WWOX: variants seen among roughly 807,000 people sequenced by gnomAD.
WWOX encodes WW domain-containing oxidoreductase.
Under a neutral mutation model 46.2 loss-of-function variants are expected in WWOX, and 69 were observed. That is an observed-to-expected ratio of 1.49 (90% CI 1.23 to 1.82). The LOEUF is 1.82. Ranked by LOEUF, WWOX falls within the 40% of genes most tolerant of loss-of-function variation. WWOX has a pLI of 0.00. For missense variants in WWOX, 919 were observed against 542.6 expected, an observed-to-expected ratio of 1.69 and a Z score of -6.89; for synonymous variants, 359 against 202.6, an observed-to-expected ratio of 1.77 and a Z score of -6.56.
chr16:78,965,801 T>C lies in WWOX; in HGVS notation c.1057-245807T>C, dbSNP rs554357664. The stretch of plus-strand genomic sequence containing the variant: ...TCCTTCACTCAGTGATGTTATAATA[T>C]CTAGAGGCTTATTGATTATTTGTTT... On this transcript the variant is annotated intron_variant, in intron 8 of 8. Coordinates refer to ENST00000566780, the MANE Select transcript of WWOX (RefSeq NM_016373.4). Among the ~76,000 whole-genome samples the C allele has an allele frequency of 8.5e-5, 13 of 152,274 alleles. 1 individual carries two copies. In the South Asian group the frequency reaches 1.9e-3, roughly 22 times the overall value.
chr16:79,208,252 C>A (rs530868795), intron 8 of WWOX, among the ~76,000 whole-genome samples: 1 of 152,112 alleles, frequency 6.6e-6, no homozygotes, highest in Non-Finnish European at 1.5e-5. Context: ...TCTGGGCTTC[C>A]CAGAAATTCT....
chr16:78,310,700 G>T (rs1309255110), intron 5 of WWOX, among the ~76,000 whole-genome samples: 1 of 152,236 alleles, frequency 6.6e-6, no homozygotes, highest in African/African-American at 2.4e-5. Flanking sequence ...TTGCTCTAGA[G>T]ATTTGGCTTC....
chr16:78,140,487 C>T (rs1037548833), intron 4 of WWOX, among the ~76,000 whole-genome samples: 11 of 152,220 alleles, frequency 7.2e-5, no homozygotes, highest in African/African-American at 2.6e-4. Context: ...GTTGGTAGGG[C>T]CATACTCCCT....
intron 1 of WWOX, among the ~76,000 whole-genome samples, chr16:78,105,186 G>A (rs1181516355): frequency 2.0e-5 from 3 of 152,216 alleles, no homozygotes; most frequent in Admixed American, 1.3e-4. Context: ...TGCAGGCCGG[G>A]TGCAGTGGTT....
At chr16:78,873,770 C>G (rs1378096707) in intron 8 of WWOX, among the ~76,000 whole-genome samples, 1 of 152,090 alleles carries the variant, frequency 6.6e-6, no homozygotes, top group African/African-American at 2.4e-5. Flanking sequence ...GCCTGGGCAA[C>G]AGAGAGACCC....
intron 8 of WWOX, among the ~76,000 whole-genome samples, chr16:78,461,703 G>C (rs2083953978): frequency 6.6e-6 from 1 of 152,166 alleles, no homozygotes; most frequent in Non-Finnish European, 1.5e-5. Context: ...AAAATACACT[G>C]CAAGTCGATT....
chr16:78,597,902 T>G (rs1297020693), intron 8 of WWOX, among the ~76,000 whole-genome samples: 1 of 152,104 alleles, frequency 6.6e-6, no homozygotes, highest in Non-Finnish European at 1.5e-5. Flanking sequence ...TATCAGAGCC[T>G]TTTCAGACAC....
intron 8 of WWOX, among the ~76,000 whole-genome samples, chr16:78,850,230 A>G (rs965912317): frequency 1.4e-4 from 22 of 152,166 alleles, no homozygotes; most frequent in African/African-American, 4.8e-4. Context: ...TAACTAGCCA[A>G]TGTGTCATCA....
chr16:78,835,229 G>A (rs2051946638), intron 8 of WWOX, among the ~76,000 whole-genome samples: 1 of 152,032 alleles, frequency 6.6e-6, no homozygotes, highest in African/African-American at 2.4e-5. Context: ...GAAAACAAGT[G>A]CCAGCATTCT....
intron 8 of WWOX, among the ~76,000 whole-genome samples, chr16:78,877,668 C>G (rs2044261830): frequency 6.6e-6 from 1 of 152,104 alleles, no homozygotes; most frequent in Non-Finnish European, 1.5e-5. Context: ...CTCCTATTCT[C>G]TAGAAGAATG....
At chr16:79,008,603 G>A (rs1276106712) in intron 8 of WWOX, among the ~76,000 whole-genome samples, 3 of 152,142 alleles carry the variant, frequency 2.0e-5, no homozygotes, top group African/African-American at 7.2e-5. Context: ...AGACTTAGAA[G>A]CATTATGCAC....
intron 8 of WWOX, among the ~76,000 whole-genome samples, chr16:78,625,405 A>C (rs530581726): frequency 1.3e-5 from 2 of 152,278 alleles, no homozygotes; most frequent in Admixed American, 6.5e-5. Flanking sequence ...ACCTACTACT[A>C]GAATGCCATA....
At chr16:78,168,378 A>G (rs975863332) in intron 5 of WWOX, 1 of 151,734 alleles carries the variant, frequency 6.6e-6, no homozygotes, top group African/African-American at 2.4e-5. Flanking sequence ...TCCCTGTCAT[A>G]TGCTGTGTCA....
intron 8 of WWOX, among the ~76,000 whole-genome samples, chr16:78,491,880 C>T (rs1389063879): frequency 4.6e-5 from 7 of 152,200 alleles, no homozygotes; most frequent in Non-Finnish European, 8.8e-5. Context: ...TTGCCGTTCC[C>T]TTGCCTTCTA....
chr16:79,111,584 A>G (rs1035462842), intron 8 of WWOX, among the ~76,000 whole-genome samples: 5 of 152,202 alleles, frequency 3.3e-5, no homozygotes, highest in African/African-American at 1.2e-4. Context: ...AATAAAAGCC[A>G]GAAAGTTAAA....
chr16:78,276,078 G>A (rs1281037937), intron 5 of WWOX, among the ~76,000 whole-genome samples: 3 of 152,144 alleles, frequency 2.0e-5, no homozygotes, highest in Non-Finnish European at 4.4e-5. Context: ...CAGTATTAGC[G>A]TGCTGCAGTT....
chr16:79,170,885 G>A (rs556403476), intron 8 of WWOX, among the ~76,000 whole-genome samples: 2 of 152,246 alleles, frequency 1.3e-5, no homozygotes, highest in Admixed American at 6.5e-5. Context: ...CCAAACCTTC[G>A]TGGATTCCTG....
At chr16:78,600,217 A>C (rs1278480958) in intron 8 of WWOX, among the ~76,000 whole-genome samples, 1 of 152,106 alleles carries the variant, frequency 6.6e-6, no homozygotes, top group Non-Finnish European at 1.5e-5. Flanking sequence ...GGGCCCTCCC[A>C]CAACACATGG....
chr16:78,538,546 G>C (rs142969667), intron 8 of WWOX, among the ~76,000 whole-genome samples: 2 of 152,068 alleles, frequency 1.3e-5, no homozygotes, highest in African/African-American at 4.8e-5. Flanking sequence ...CCTTCCAGAC[G>C]AGCATGCTCT....
Sources: gnomAD v4.1 joint callset for allele counts (sites outside exome capture counted in the v4.1 genomes callset) on GRCh38, gnomAD v4.1.1 for gene constraint, MANE v1.5 for transcripts, NCBI Gene and HGNC (gene_info 2026-07-23, HGNC 2026-07-21) for gene names.